CRPPA: variants seen among roughly 807,000 people sequenced by gnomAD.
CRPPA encodes the protein CDP-L-ribitol pyrophosphorylase A.
Under a neutral mutation model 52.0 loss-of-function variants are expected in CRPPA, and 43 were observed. That is an observed-to-expected ratio of 0.83 (90% CI 0.65 to 1.07). CRPPA has a LOEUF of 1.07. CRPPA is among the 50% of genes least tolerant of loss of function. The pLI is 0.00. For synonymous variants in CRPPA, 250 were observed against 203.5 expected, an observed-to-expected ratio of 1.23 and a Z score of -1.94; for missense variants, 629 against 551.7, an observed-to-expected ratio of 1.14 and a Z score of -1.40.
At chr7:16,388,867 C>T (rs1787365141) in intron 2 of CRPPA, among the ~76,000 whole-genome samples, 1 of 152,004 alleles carries the variant, frequency 6.6e-6, no homozygotes, top group Non-Finnish European at 1.5e-5. Flanking sequence ...CAGAGCAAGA[C>T]TCCATCTCAA....
At chr7:16,367,042 C>G in intron 3 of CRPPA, among the ~76,000 whole-genome samples, 1 of 152,192 alleles carries the variant, frequency 6.6e-6, no homozygotes, top group Admixed American at 6.5e-5. Context: ...CTCTTTCTGA[C>G]TCAAAGCTTC....
At chr7:16,222,573 G>C (rs1782545144) in intron 8 of CRPPA, among the ~76,000 whole-genome samples, 1 of 152,072 alleles carries the variant, frequency 6.6e-6, no homozygotes, top group Non-Finnish European at 1.5e-5. Flanking sequence ...GGGTGAGATA[G>C]AAATACAGTA....
At chr7:16,343,466 G>A (rs1276736379) in intron 3 of CRPPA, among the ~76,000 whole-genome samples, 4 of 152,132 alleles carry the variant, frequency 2.6e-5, no homozygotes, top group African/African-American at 9.7e-5. Context: ...CCAAGTCCCA[G>A]TTCCCAGATA....
intron 9 of CRPPA, among the ~76,000 whole-genome samples, chr7:16,152,257 T>C (rs1218847006): frequency 3.9e-5 from 6 of 151,968 alleles, no homozygotes; most frequent in Admixed American, 3.3e-4. Flanking sequence ...TTAACAAATA[T>C]GTGAGATGTT....
At chr7:16,373,089 G>C (rs986308557) in intron 3 of CRPPA, among the ~76,000 whole-genome samples, 3 of 152,194 alleles carry the variant, frequency 2.0e-5, no homozygotes, top group African/African-American at 7.2e-5. Context: ...GAGGTCAGAA[G>C]TTTGAGACCA....
intron 2 of CRPPA, among the ~76,000 whole-genome samples, chr7:16,377,314 G>A (rs1485387979): frequency 6.6e-6 from 1 of 152,178 alleles, no homozygotes; most frequent in Non-Finnish European, 1.5e-5. Context: ...AATAGGTGAA[G>A]GGTAGGTCAA....
intron 8 of CRPPA, among the ~76,000 whole-genome samples, chr7:16,253,506 A>G (rs1783518610): frequency 6.6e-6 from 1 of 152,184 alleles, no homozygotes; most frequent in Non-Finnish European, 1.5e-5. Flanking sequence ...ACATTTGCTG[A>G]GGAGTACTTT....
At chr7:16,247,245 T>G (rs1466738161) in intron 8 of CRPPA, among the ~76,000 whole-genome samples, 1 of 152,246 alleles carries the variant, frequency 6.6e-6, no homozygotes, top group Non-Finnish European at 1.5e-5. Flanking sequence ...TTCACAGAAT[T>G]GAAGGGAATT....
intron 9 of CRPPA, among the ~76,000 whole-genome samples, chr7:16,125,699 G>A (rs1450812955): frequency 6.6e-6 from 1 of 151,962 alleles, no homozygotes; most frequent in African/African-American, 2.4e-5. Context: ...TATGAAACAG[G>A]TTGTCTAATG....
Position 16,398,831 on chromosome 7 carries a change from C to T in CRPPA, c.534+7230G>A, listed in dbSNP as rs183681478. On this transcript the variant is annotated intron_variant, in intron 2 of 9. Coordinates refer to ENST00000407010, the MANE Select transcript of CRPPA (RefSeq NM_001101426.4). ...TGAAACGTGACCAATACGTTTGACA[C>T]GTGACTGACGCGATTTACGTAACTG... Among the ~76,000 whole-genome samples the T allele has an allele frequency of 4.5e-3, 691 of 152,342 alleles. 8 individuals carry two copies. The highest frequency in any genetic ancestry group is 5.2e-3 in the South Asian group (25 of 4,820).
intron 3 of CRPPA, among the ~76,000 whole-genome samples, chr7:16,309,105 T>C (rs1357521821): frequency 7.0e-6 from 1 of 143,422 alleles, no homozygotes; most frequent in East Asian, 2.0e-4. Flanking sequence ...AATATATCTT[T>C]TAATTATTTA....
At chr7:16,370,518 T>C (rs1040286378) in intron 3 of CRPPA, among the ~76,000 whole-genome samples, 2 of 152,006 alleles carry the variant, frequency 1.3e-5, no homozygotes, top group Non-Finnish European at 2.9e-5. Context: ...AGAAGAGCAA[T>C]ATCACTGCAG....
intron 9 of CRPPA, among the ~76,000 whole-genome samples, chr7:16,167,161 C>T (rs539551419): frequency 1.1e-4 from 17 of 152,164 alleles, no homozygotes; most frequent in South Asian, 2.1e-4. Flanking sequence ...CTCCTGATCT[C>T]GTGATCAGCC....
intron 2 of CRPPA, among the ~76,000 whole-genome samples, chr7:16,386,846 C>T (rs1289175695): frequency 6.6e-6 from 1 of 151,448 alleles, no homozygotes; most frequent in African/African-American, 2.4e-5. Flanking sequence ...CAGGGGAAAC[C>T]CTGACTCTAC....
At chr7:16,127,219 A>C (rs1782598013) in intron 9 of CRPPA, among the ~76,000 whole-genome samples, 1 of 152,192 alleles carries the variant, frequency 6.6e-6, no homozygotes, top group Admixed American at 6.5e-5. Context: ...GAAAACAAAC[A>C]AAAACTAAAT....
intron 2 of CRPPA, among the ~76,000 whole-genome samples, chr7:16,388,274 G>T (rs933507132): frequency 6.6e-6 from 1 of 151,928 alleles, no homozygotes; most frequent in Non-Finnish European, 1.5e-5. Flanking sequence ...CCAAAGTTGG[G>T]AATTTAAAGT....
chr7:16,150,496 G>A (rs1235776301), intron 9 of CRPPA, among the ~76,000 whole-genome samples: 4 of 152,086 alleles, frequency 2.6e-5, no homozygotes, highest in Non-Finnish European at 1.5e-5. Context: ...AAAATATGAA[G>A]CATGGCTTTT....
rs1039682503 is a variant in CRPPA at position 16,287,471 on chromosome 7, G to A, written c.836-9245C>T. On this transcript the variant is annotated intron_variant, in intron 5 of 9. Transcript: ENST00000407010. ...ACTAGGATCATGAGTAACACACATT[G>A]TTATGGATTGAACTGTGTTTCCCCC... Among the ~76,000 whole-genome samples, 14 of 152,120 alleles carry A rather than the reference G, an allele frequency of 9.2e-5. No homozygotes were observed. In the South Asian group the frequency reaches 1.2e-3, roughly 13 times the overall value.
intron 9 of CRPPA, among the ~76,000 whole-genome samples, chr7:16,167,845 C>G (rs1781099543): frequency 6.6e-6 from 1 of 152,200 alleles, no homozygotes. Flanking sequence ...CCTGACTCCT[C>G]TCTCATCCCA....
Sources: gnomAD v4.1 joint callset for allele counts (sites outside exome capture counted in the v4.1 genomes callset) on GRCh38, gnomAD v4.1.1 for gene constraint, MANE v1.5 for transcripts, NCBI Gene and HGNC (gene_info 2026-07-23, HGNC 2026-07-21) for gene names.